The following UBE2E3 variants were observed in gnomAD, a reference collection of about 807,000 sequenced individuals.
The protein encoded by UBE2E3 is ubiquitin-conjugating enzyme E2 E3.
Under a neutral mutation model 23.6 loss-of-function variants are expected in UBE2E3, and 5 were observed. The ratio of observed to expected loss-of-function variants is 0.21; its 90% CI spans 0.11 to 0.44. UBE2E3 has a LOEUF of 0.44. Among genes scored for constraint, UBE2E3 ranks in the 20% least tolerant of loss-of-function variants. The pLI is 0.99. For synonymous variants in UBE2E3, 78 were observed against 87.5 expected (o/e 0.89, Z 0.60); for missense variants, 81 against 249.8 (o/e 0.32, Z 4.55).
intron 3 of UBE2E3, among the ~76,000 whole-genome samples, chr2:181,000,876 C>T (rs4667008): frequency 0.78 from 118,033 of 152,164 alleles, 46,043 homozygotes; most frequent in East Asian, 0.88. Flanking sequence ...GAAACTGTTA[C>T]GTAAAGTAAG....
chr2:181,003,974 G>A (rs1685064001), intron 3 of UBE2E3, among the ~76,000 whole-genome samples: 2 of 152,140 alleles, frequency 1.3e-5, no homozygotes, highest in South Asian at 2.1e-4. Context: ...AATAAATGAT[G>A]GAAGCAAGAT....
intron 2 of UBE2E3, 38 bp downstream of exon 2, chr2:180,982,274 G>A: frequency 6.3e-7 from 1 of 1,579,398 alleles, no homozygotes; most frequent in Non-Finnish European, 8.6e-7. Flanking sequence ...ACTTTGTCAG[G>A]TTGTCTTCCA....
At chr2:180,999,251 C>G (rs559445749) in intron 3 of UBE2E3, among the ~76,000 whole-genome samples, 1 of 152,074 alleles carries the variant, frequency 6.6e-6, no homozygotes, top group East Asian at 1.9e-4. Context: ...TCTGACGTTC[C>G]ACAGTAGGCT....
At chr2:181,022,575 A>G (rs549455211) in intron 3 of UBE2E3, among the ~76,000 whole-genome samples, 1 of 152,240 alleles carries the variant, frequency 6.6e-6, no homozygotes, top group African/African-American at 2.4e-5. Context: ...TCATCTAAAC[A>G]TGTATTTTAT....
intron 3 of UBE2E3, among the ~76,000 whole-genome samples, chr2:180,991,332 A>T (rs1186605322): frequency 2.0e-5 from 3 of 152,172 alleles, no homozygotes; most frequent in Non-Finnish European, 2.9e-5. Context: ...TACCTATGAT[A>T]CGTTTACATA....
At chr2:180,996,030 T>C (rs751163276) in intron 3 of UBE2E3, among the ~76,000 whole-genome samples, 6 of 152,124 alleles carry the variant, frequency 3.9e-5, no homozygotes, top group Non-Finnish European at 7.4e-5. Flanking sequence ...TTCAGAATGA[T>C]TGTCACTTCA....
chr2:181,041,316 C>T (rs78882022), intron 3 of UBE2E3, among the ~76,000 whole-genome samples: 98 of 150,492 alleles, frequency 6.5e-4, no homozygotes, highest in African/African-American at 2.1e-3. Flanking sequence ...CCCTTTACCT[C>T]TCCTCATAGG....
intron 3 of UBE2E3, among the ~76,000 whole-genome samples, chr2:180,994,655 C>T (rs1214497136): frequency 1.3e-5 from 2 of 151,986 alleles, no homozygotes; most frequent in Non-Finnish European, 2.9e-5. Context: ...TGGATTTGAA[C>T]GAGTGGGTTC....
chr2:181,005,539 T>A (rs1454624312), intron 3 of UBE2E3, among the ~76,000 whole-genome samples: 1 of 151,424 alleles, frequency 6.6e-6, no homozygotes, highest in Non-Finnish European at 1.5e-5. Context: ...TTAGTATGTA[T>A]CTTTTTGGAC....
intron 3 of UBE2E3, among the ~76,000 whole-genome samples, chr2:181,018,970 AT>A (rs1314294282): frequency 4.0e-5 from 6 of 150,032 alleles, no homozygotes; most frequent in African/African-American, 9.8e-5. Context: ...CTAGCTCTAA[AT>A]TTTTTTTTTG....
intron 3 of UBE2E3, among the ~76,000 whole-genome samples, chr2:181,042,648 C>G (rs919105346): frequency 2.6e-5 from 4 of 152,182 alleles, no homozygotes; most frequent in Non-Finnish European, 5.9e-5. Context: ...GAGCCTTGAG[C>G]AAGCACCTGA....
At chr2:181,010,555 C>A (rs1348023574) in intron 3 of UBE2E3, among the ~76,000 whole-genome samples, 1 of 152,100 alleles carries the variant, frequency 6.6e-6, no homozygotes, top group Non-Finnish European at 1.5e-5. Flanking sequence ...AATCTGTGTT[C>A]TCTAATGTAA....
At chr2:181,030,871 T>C (rs1686055799) in intron 3 of UBE2E3, among the ~76,000 whole-genome samples, 1 of 152,134 alleles carries the variant, frequency 6.6e-6, no homozygotes, top group South Asian at 2.1e-4. Context: ...TGTCACAAGG[T>C]TTCTATGTTT....
chr2:181,052,589 G>T (rs891356476), intron 3 of UBE2E3, among the ~76,000 whole-genome samples: 2 of 151,904 alleles, frequency 1.3e-5, no homozygotes, highest in South Asian at 4.1e-4. Flanking sequence ...AGTTAACAGT[G>T]CAGGCAGTTA....
At chr2:180,981,289 T>G (rs1176479882) in intron 1 of UBE2E3, 1 of 152,120 alleles carries the variant, frequency 6.6e-6, no homozygotes, top group Non-Finnish European at 1.5e-5. Flanking sequence ...GTTTTTTCTC[T>G]GGGTTTCTTA....
At chr2:181,024,079 C>T (rs190834958) in intron 3 of UBE2E3, among the ~76,000 whole-genome samples, 27 of 152,124 alleles carry the variant, frequency 1.8e-4, no homozygotes, top group African/African-American at 4.8e-4. Flanking sequence ...TTGATACTGT[C>T]GTTGTAGGTC....
chr2:181,060,501 A>G (rs544475466), intron 4 of UBE2E3, among the ~76,000 whole-genome samples, 164 bp from the exon 5 acceptor site: 2 of 151,866 alleles, frequency 1.3e-5, no homozygotes, highest in South Asian at 4.1e-4. Flanking sequence ...ATTTTTTTCA[A>G]CTGAGTCAAA....
chr2:180,983,106 A>G (rs958554233), intron 2 of UBE2E3, among the ~76,000 whole-genome samples: 2 of 152,198 alleles, frequency 1.3e-5, no homozygotes, highest in Non-Finnish European at 2.9e-5. Flanking sequence ...AAAATGTATA[A>G]TGTTTACAGC....
chr2:180,982,981 A>G (rs1684349061), intron 2 of UBE2E3, among the ~76,000 whole-genome samples: 1 of 152,214 alleles, frequency 6.6e-6, no homozygotes, highest in Non-Finnish European at 1.5e-5. Context: ...TAAGTGAAAG[A>G]TCATTTGTTT....
Sources: allele counts gnomAD v4.1 joint callset (sites outside exome capture counted in the v4.1 genomes callset), GRCh38; gene constraint gnomAD v4.1.1; transcripts MANE v1.5; gene names NCBI Gene and HGNC (gene_info 2026-07-23, HGNC 2026-07-21).